DEFB112: variants seen among roughly 807,000 people sequenced by gnomAD.
The protein encoded by DEFB112 is beta-defensin 112.
In DEFB112, 2 loss-of-function variants were observed where a neutral mutation model predicts 1.1. That is an observed-to-expected ratio of 1.85 (90% confidence interval 0.76 to 5.83). The LOEUF is 5.83. Among genes scored for constraint, DEFB112 ranks in the 30% most tolerant of loss-of-function variants. DEFB112 has a pLI of 0.05. For synonymous variants in DEFB112, 40 were observed against 31.2 expected, an observed-to-expected ratio of 1.28 and a Z score of -0.93; for missense variants, 120 against 94.4, an observed-to-expected ratio of 1.27 and a Z score of -1.12.
In DEFB112 at chr6:50,048,956, C is replaced by A. The variant is rs181792047; in HGVS notation, c.58+856G>T. ...ATTAAAATCATTATTATGAAGAAAA[C>A]CTATCAGTGTTTATTGAAATCTGTA... On this transcript the variant is annotated intron_variant, in intron 1 of 1. Coordinates refer to ENST00000651554, the MANE Select transcript of DEFB112 (RefSeq NM_001369057.2). 5.7e-3 allele frequency among the ~76,000 whole-genome samples: 871 copies of A among 152,006 alleles called. 9 individuals are homozygous for A. The highest frequency in any genetic ancestry group is 0.02 in the African/African-American group (825 of 41,492).
At position 50,042,699 on chromosome 6, in the gene DEFB112, C is replaced by G. The variant is rs942013693; in HGVS notation, c.*876G>C. 6.6e-6 allele frequency among the ~76,000 whole-genome samples: 1 copy of G among 151,908 alleles called. No individual in the cohort carries two copies. The highest frequency in any genetic ancestry group is 6.6e-5 in the Admixed American group (1 of 15,206). ...TGAGGTATTAAGACCAACTGCTGAC[C>G]CTTTCCCTCAAGGCCACAATTTAGC... On this transcript the variant is annotated 3_prime_UTR_variant, in exon 2 of 2. Transcript: ENST00000651554.
intron 1 of DEFB112, among the ~76,000 whole-genome samples, chr6:50,045,923 G>T (rs1774823693): frequency 6.6e-6 from 1 of 152,064 alleles, no homozygotes; most frequent in Non-Finnish European, 1.5e-5. Flanking sequence ...GTGCAAAAAA[G>T]ACATACGTTC....
At chr6:50,049,302 G>T (rs1774889479) in intron 1 of DEFB112, among the ~76,000 whole-genome samples, 1 of 152,070 alleles carries the variant, frequency 6.6e-6, no homozygotes, top group South Asian at 2.1e-4. Context: ...AGAAAAAGGA[G>T]AATTTAACTG....
At chr6:50,048,871 G>T (rs1262233303) in intron 1 of DEFB112, among the ~76,000 whole-genome samples, 2 of 152,108 alleles carry the variant, frequency 1.3e-5, no homozygotes, top group Non-Finnish European at 2.9e-5. Flanking sequence ...AGTTCACCTT[G>T]CATGGCTATT....
intron 1 of DEFB112, among the ~76,000 whole-genome samples, chr6:50,049,561 C>T (rs1223586788): frequency 6.6e-6 from 1 of 151,984 alleles, no homozygotes; most frequent in Non-Finnish European, 1.5e-5. Flanking sequence ...TTATTTTCTT[C>T]TAATCATTTA....
intron 1 of DEFB112, chr6:50,048,638 G>T: frequency 6.2e-7 from 1 of 1,611,484 alleles, no homozygotes; most frequent in Non-Finnish European, 8.5e-7. Flanking sequence ...ACATATGGTT[G>T]TCAATAATTT....
rs1358137379 is a variant in DEFB112, at chr6:50,046,777, G to T, written c.59-2976C>A. 2.6e-5 allele frequency among the ~76,000 whole-genome samples: 4 copies of T among 152,148 alleles called. No homozygotes were observed. The East Asian group carries it at 7.7e-4, about 29-fold the overall frequency. ...ATGACTCTACTAAGCTGATATACAA[G>T]AACTGAAGGAAATTTTGCCATTGAA... is the stretch of plus-strand genomic sequence containing the variant. On this transcript the variant is annotated intron_variant, in intron 1 of 1. Transcript: ENST00000651554.
At chr6:50,044,112 G>A (rs955235677) in intron 1 of DEFB112, among the ~76,000 whole-genome samples, 1 of 151,964 alleles carries the variant, frequency 6.6e-6, no homozygotes, top group African/African-American at 2.4e-5. Context: ...GGATATGAGT[G>A]GGACGATCTC....
In DEFB112 at chr6:50,043,403, T is replaced by G. The variant is rs545826349; in HGVS notation, c.*172A>C. 1.3e-5 allele frequency among the ~76,000 whole-genome samples: 2 copies of G among 152,216 alleles called. No individual in the cohort carries two copies. The highest frequency in any genetic ancestry group is 4.8e-5 in the African/African-American group (2 of 41,560). On this transcript the variant is annotated 3_prime_UTR_variant, in exon 2 of 2. Transcript: ENST00000651554. ...TCAAATCCCTGCTTTGTATTCTGAT[T>G]CTTTCTTCTAAGCAAGCACAATGTT...
chr6:50,048,844 T>A lies in DEFB112; in HGVS notation c.58+968A>T, dbSNP rs995173239. Among the ~76,000 whole-genome samples the A allele has an allele frequency of 3.3e-5, 5 of 152,244 alleles. No homozygotes were observed. The East Asian group carries it at 9.7e-4, about 29-fold the overall frequency. On this transcript the variant is annotated intron_variant, in intron 1 of 1. Transcript: ENST00000651554. ...TTAAAAATCCAGTTAAATGAATAAA[T>A]GACTTGGCTATTAATAAGTTCACCT...
At position 50,043,601 on chromosome 6, in the gene DEFB112, A is replaced by G. The variant is rs780505594; in HGVS notation, c.259T>C (p.Trp87Arg). The change falls in exon 2 of 2, where the codon TGG (tryptophan) becomes CGG (arginine). Residue 87 changes from tryptophan (W) to arginine (R), a missense_variant. Coordinates refer to ENST00000651554, the MANE Select transcript of DEFB112 (RefSeq NM_001369057.2). ...CAATGACGTGAGTCTTTAGGGTACC[A>G]TTCTTGAGTCCCTACTGAGTCCTTT... ...IPKDSVGTQE[W>R]YPKDSRH The G allele has an allele frequency of 2.5e-6, 4 of 1,613,362 alleles. No homozygotes were observed. The highest frequency in any genetic ancestry group is 4.5e-5 in the East Asian group (2 of 44,848).
chr6:50,048,087 C>T (rs548852859), intron 1 of DEFB112, among the ~76,000 whole-genome samples: 3 of 150,568 alleles, frequency 2.0e-5, no homozygotes, highest in African/African-American at 7.4e-5. Flanking sequence ...ACGGTGGTTG[C>T]AGTGATCCAA....
At chr6:50,043,851 C>A in intron 1 of DEFB112, 50 bp from the exon 2 acceptor site, 1 of 1,504,780 alleles carries the variant, frequency 6.6e-7, no homozygotes, top group Non-Finnish European at 9.2e-7. Flanking sequence ...TGGGAACTCC[C>A]AAGATTTAAA....
At position 50,043,600 on chromosome 6, in the gene DEFB112, C is replaced by G. The variant is rs1774782382; in HGVS notation, c.260G>C (p.Trp87Ser). Reference sequence around the variant, plus strand: ...TCAATGACGTGAGTCTTTAGGGTACCATTCTTGAGTCCCTACTGAGTCCTT... The same window carrying G: ...TCAATGACGTGAGTCTTTAGGGTACGATTCTTGAGTCCCTACTGAGTCCTT... ...IPKDSVGTQE[W>S]YPKDSRH The change falls in exon 2 of 2, where the codon TGG (tryptophan) becomes TCG (serine). Residue 87 changes from tryptophan to serine, a missense_variant. Physicochemically the swap from Trp to Ser is radical, Grantham distance 177. Coordinates refer to ENST00000651554, the MANE Select transcript of DEFB112 (RefSeq NM_001369057.2). 6.2e-7 allele frequency: 1 copy of G among 1,613,044 alleles called. No homozygotes were observed. The highest frequency in any genetic ancestry group is 1.3e-5 in the African/African-American group (1 of 74,846).
intron 1 of DEFB112, among the ~76,000 whole-genome samples, chr6:50,044,818 T>A (rs1358075321): frequency 1.3e-5 from 2 of 152,110 alleles, no homozygotes; most frequent in Non-Finnish European, 2.9e-5. Context: ...GACCAAGTCC[T>A]TATCACTGAT....
At chr6:50,044,557 TAGA>T (rs1774803157) in intron 1 of DEFB112, among the ~76,000 whole-genome samples, 1 of 152,112 alleles carries the variant, frequency 6.6e-6, no homozygotes, top group African/African-American at 2.4e-5. Context: ...TGTACCTAGA[TAGA>T]AGGTCTCTCT....
rs994765695 is a variant in DEFB112 at position 50,048,741 on chromosome 6, C to T, written c.58+1071G>A. ...AAAAATATTTTCAGAAATAAGGACACAAATGTAGTTGCCTCTATTTAATGG... is the reference window on the plus strand; with the variant it reads ...AAAAATATTTTCAGAAATAAGGACATAAATGTAGTTGCCTCTATTTAATGG... On this transcript the variant is annotated intron_variant, in intron 1 of 1. Transcript: ENST00000651554. 7 of 865,644 alleles carry T rather than the reference C, an allele frequency of 8.1e-6. No individual in the cohort carries two copies. The African/African-American group carries it at 8.5e-5, about 11-fold the overall frequency. The allele number at this position is 865,644 out of a possible 1,614,324, so 53.6% of individuals were successfully genotyped here.
rs1488392439 is a variant in DEFB112, at chr6:50,046,252, T to TGTGTGC, written c.59-2452_59-2451insGCACAC. Among the ~76,000 whole-genome samples, 519 of 151,770 alleles carry TGTGTGC rather than the reference T, an allele frequency of 3.4e-3. 2 individuals are homozygous for TGTGTGC. The highest frequency in any genetic ancestry group is 0.017 in the Middle Eastern group (5 of 292). Reference sequence around the variant, plus strand: ...GTGTGTGTGTGTGTGTGTGTGTGTGTGTGTGTGTATCTTAGAGAGAATCAT... The same window carrying TGTGTGC: ...GTGTGTGTGTGTGTGTGTGTGTGTGTGTGTGCGTGTGTGTATCTTAGAGAGAATCAT... On this transcript the variant is annotated intron_variant, in intron 1 of 1. Coordinates refer to ENST00000651554, the MANE Select transcript of DEFB112 (RefSeq NM_001369057.2).
At chr6:50,048,732 A>C in intron 1 of DEFB112, 1 of 978,692 alleles carries the variant, frequency 1.0e-6, no homozygotes, top group Non-Finnish European at 1.6e-6. Context: ...ATTTTCAGAA[A>C]TAAGGACACA....
Sources: gnomAD v4.1 joint callset for allele counts (sites outside exome capture counted in the v4.1 genomes callset) on GRCh38, gnomAD v4.1.1 for gene constraint, MANE v1.5 for transcripts, NCBI Gene and HGNC (gene_info 2026-07-23, HGNC 2026-07-21) for gene names.